Variants in DYNC2H1 observed in about 807,000 individuals in gnomAD.
DYNC2H1 encodes the protein dynein cytoplasmic 2 heavy chain 1, also known as cytoplasmic dynein 2 heavy chain 1.
In DYNC2H1, 410 loss-of-function variants were observed where a neutral mutation model predicts 570.0. The ratio of observed to expected loss-of-function variants is 0.72; its 90% CI spans 0.66 to 0.78. The LOEUF (loss-of-function observed/expected upper bound fraction) is 0.78. Among genes scored for constraint, DYNC2H1 ranks in the 30% least tolerant of loss-of-function variants. DYNC2H1 has a pLI of 0.00. For synonymous variants in DYNC2H1, 1,688 were observed against 1,677.6 expected (o/e 1.01, Z -0.15); for missense variants, 4,865 against 5,046.4 (o/e 0.96, Z 1.09).
rs189718757 is a variant in DYNC2H1, at chr11:103,253,071, C to A, written c.10043-214C>A. Among the ~76,000 whole-genome samples the A allele has an allele frequency of 8.5e-5, 13 of 152,198 alleles. No individual in the cohort carries two copies. The East Asian group carries it at 1.2e-3, about 14-fold the overall frequency. ...ATATTCCTTGGGTGCTTCAGTATCC[C>A]AGGATCTTCTTAGTGAATATTATTT... is the stretch of plus-strand genomic sequence containing the variant. On this transcript the variant is annotated intron_variant, in intron 65 of 88. Coordinates refer to ENST00000375735, the MANE Select transcript of DYNC2H1 (RefSeq NM_001377.3).
At position 103,163,288 on chromosome 11, in the gene DYNC2H1, T is replaced by C; in HGVS notation, c.4611+141T>C. On this transcript the variant is annotated intron_variant, in intron 30 of 88. Coordinates refer to ENST00000375735, the MANE Select transcript of DYNC2H1 (RefSeq NM_001377.3). This position sits in a 1 kb window ranked among gnomAD's most constrained non-coding sequence, Gnocchi z 4.6. The stretch of plus-strand genomic sequence containing the variant: ...ACGGACAAATTGCTTAACTTCTGAG[T>C]CTCAGTTCCTTCAGCTGTAAAATGT... 9.4e-7 allele frequency: 1 copy of C among 1,066,690 alleles called. No homozygotes were observed. The highest frequency in any genetic ancestry group is 1.3e-6 in the Non-Finnish European group (1 of 784,938). The allele number at this position is 1,066,690 out of a possible 1,614,324, so 66.1% of individuals were successfully genotyped here. A position where few individuals can be genotyped will look rare whatever the true frequency, so the allele number is the denominator to read the frequency against.
At chr11:103,460,906 G>C (rs1944988892) in intron 87 of DYNC2H1, among the ~76,000 whole-genome samples, 2 of 152,088 alleles carry the variant, frequency 1.3e-5, no homozygotes, top group South Asian at 2.1e-4. Context: ...ATATTCACTT[G>C]TAAATATTTA....
intron 83 of DYNC2H1, among the ~76,000 whole-genome samples, chr11:103,368,038 C>T (rs1267187634): frequency 6.6e-6 from 1 of 151,970 alleles, no homozygotes; most frequent in African/African-American, 2.4e-5. Flanking sequence ...TAGGTTAGTT[C>T]TGTATCTTGT....
At chr11:103,351,408 A>G (rs1940047648) in intron 82 of DYNC2H1, among the ~76,000 whole-genome samples, 1 of 152,200 alleles carries the variant, frequency 6.6e-6, no homozygotes, top group Non-Finnish European at 1.5e-5. Flanking sequence ...GGGGAAGTAG[A>G]TATCTCTTGA....
chr11:103,168,056 C>T (rs1357789635), intron 31 of DYNC2H1, among the ~76,000 whole-genome samples: 1 of 152,120 alleles, frequency 6.6e-6, no homozygotes, highest in East Asian at 1.9e-4. Flanking sequence ...TTTATGGTTC[C>T]CTCAGCCTTC....
chr11:103,146,107 T>G (rs1009287723), intron 18 of DYNC2H1, among the ~76,000 whole-genome samples: 3 of 152,224 alleles, frequency 2.0e-5, no homozygotes, highest in Non-Finnish European at 4.4e-5. Context: ...ATATAGCTTT[T>G]GGTTGTTAAG....
In DYNC2H1 at chr11:103,316,564, A is replaced by T. The variant is rs771695904; in HGVS notation, c.11669A>T (p.Glu3890Val). The T allele has an allele frequency of 6.4e-7, 1 of 1,558,822 alleles. No homozygotes were observed. The highest frequency in any genetic ancestry group is 8.7e-7 in the Non-Finnish European group (1 of 1,152,892). Residue 3890 changes from glutamate to valine, a missense_variant, in exon 80 of 89, where the codon GAA (glutamate) becomes GTA (valine). This residue lies in a region of DYNC2H1 where 2,401 missense variants were observed against 2,454.6 expected (regional missense o/e 0.98). Coordinates refer to ENST00000375735, the MANE Select transcript of DYNC2H1 (RefSeq NM_001377.3). ...YIPQGWTKFY[E>V]FSLSDLRAGY... ...TGACAGGGTTGGACAAAGTTTTATGAATTTTCTTTATCAGATCTTCGGGCT... is the reference window on the plus strand; with the variant it reads ...TGACAGGGTTGGACAAAGTTTTATGTATTTTCTTTATCAGATCTTCGGGCT...
chr11:103,381,663 G>T (rs543476602), intron 83 of DYNC2H1, among the ~76,000 whole-genome samples: 1 of 152,310 alleles, frequency 6.6e-6, no homozygotes, highest in Non-Finnish European at 1.5e-5. Flanking sequence ...TGGCCAGGCT[G>T]GTCTTGAACT....
chr11:103,237,694 C>A (rs1864272242), intron 63 of DYNC2H1, among the ~76,000 whole-genome samples: 1 of 150,980 alleles, frequency 6.6e-6, no homozygotes, highest in African/African-American at 2.4e-5. Flanking sequence ...ATAGCCACAT[C>A]TTTTTCCTGT....
At position 103,179,049 on chromosome 11, in the gene DYNC2H1, G is replaced by T; in HGVS notation, c.6163G>T (p.Asp2055Tyr). The change falls in exon 39 of 89, where the codon GAT becomes TAT. Residue 2055 changes from aspartate to tyrosine, a missense_variant. Around this residue, in one of 5 missense-constraint regions of DYNC2H1, gnomAD observed 231 missense variants for 310.3 expected, o/e 0.74. Transcript: ENST00000375735. ...AGATGTCAGCTCATGGATAATCTGTGATGGTGATATTGACCCTGAATGGAT... is the reference window on the plus strand; with the variant it reads ...AGATGTCAGCTCATGGATAATCTGTTATGGTGATATTGACCCTGAATGGAT... Reference protein sequence around the residue: ...PQDVSSWIICDGDIDPEWIES... With the variant: ...PQDVSSWIICYGDIDPEWIES... 1 of 1,611,134 alleles carries T rather than the reference G, an allele frequency of 6.2e-7. No homozygotes were observed. The highest frequency in any genetic ancestry group is 8.5e-7 in the Non-Finnish European group (1 of 1,178,066).
intron 30 of DYNC2H1, among the ~76,000 whole-genome samples, chr11:103,164,748 C>G (rs1004420001): frequency 6.6e-6 from 1 of 152,170 alleles, no homozygotes; most frequent in Non-Finnish European, 1.5e-5. Flanking sequence ...ATATTAGTTC[C>G]TATCCAGCTG....
chr11:103,142,105 G>A (rs546471746), intron 17 of DYNC2H1, among the ~76,000 whole-genome samples: 3 of 152,328 alleles, frequency 2.0e-5, no homozygotes, highest in Non-Finnish European at 4.4e-5. Flanking sequence ...TCCAGGTGCC[G>A]TCTGTCACCC....
In DYNC2H1 at chr11:103,435,982, G is replaced by A; in HGVS notation, c.12406G>A (p.Asp4136Asn). The part of the protein sequence containing the change: ...AWQSKWEGPE[D>N]PLQYLRGLVA... ...GCAGAGCAAGTGGGAAGGCCCAGAA[G>A]ATCCCTTACAATACCTGAGAGGTCT... is the stretch of plus-strand genomic sequence containing the variant. The change falls in exon 85 of 89, where the codon GAT becomes AAT. Residue 4136 changes from aspartate to asparagine, a missense_variant. Physicochemically the swap from Asp to Asn is conservative, Grantham distance 23. This residue lies in a region of DYNC2H1 where 2,401 missense variants were observed against 2,454.6 expected (regional missense o/e 0.98). Transcript: ENST00000375735. 1 of 1,612,702 alleles carries A rather than the reference G, an allele frequency of 6.2e-7. No homozygotes were observed. Among genetic ancestry groups the A allele is most frequent in the Non-Finnish European group, 8.5e-7 (1 of 1,179,106 alleles).
chr11:103,476,831 A>G (rs1050667243), intron 88 of DYNC2H1, among the ~76,000 whole-genome samples: 8 of 152,204 alleles, frequency 5.3e-5, no homozygotes, highest in Non-Finnish European at 1.0e-4. Context: ...TAGGCTTAAA[A>G]GTAGAATGTC....
intron 82 of DYNC2H1, among the ~76,000 whole-genome samples, chr11:103,337,478 A>G (rs1467388822): frequency 6.6e-6 from 1 of 152,200 alleles, no homozygotes; most frequent in Non-Finnish European, 1.5e-5. Context: ...TTTCCATAGT[A>G]GCTTACTAAT....
intron 82 of DYNC2H1, among the ~76,000 whole-genome samples, chr11:103,343,883 T>C (rs952531307): frequency 6.6e-6 from 1 of 152,250 alleles, no homozygotes; most frequent in Non-Finnish European, 1.5e-5. Flanking sequence ...TTCATGGCTA[T>C]AAGAGAAGTG....
intron 79 of DYNC2H1, among the ~76,000 whole-genome samples, chr11:103,315,655 C>T (rs1937783450): frequency 6.6e-6 from 1 of 151,968 alleles, no homozygotes; most frequent in South Asian, 2.1e-4. Flanking sequence ...TTTCCCTCTC[C>T]TCTAGATTAG....
intron 82 of DYNC2H1, among the ~76,000 whole-genome samples, chr11:103,329,769 A>C (rs894472797): frequency 6.6e-6 from 1 of 152,060 alleles, no homozygotes; most frequent in Non-Finnish European, 1.5e-5. Context: ...GGTACTTTCT[A>C]TTAATGAATA....
intron 65 of DYNC2H1, among the ~76,000 whole-genome samples, chr11:103,246,948 G>A (rs541720847): frequency 7.3e-4 from 111 of 151,230 alleles, no homozygotes; most frequent in Non-Finnish European, 1.3e-3. Flanking sequence ...TTTATTGATC[G>A]TAGAAAAGCA....
Sources: gnomAD v4.1 joint callset for allele counts (sites outside exome capture counted in the v4.1 genomes callset) on GRCh38, gnomAD v4.1.1 for gene constraint, gnomAD v4.1.1 regional missense constraint, Gnocchi (gnomAD v3.1) non-coding constraint, MANE v1.5 for transcripts, NCBI Gene and HGNC (gene_info 2026-07-23, HGNC 2026-07-21) for gene names.